PDCD4: variants seen among roughly 807,000 people sequenced by gnomAD.
PDCD4 encodes programmed cell death 4.
PDCD4 carries 56 observed loss-of-function variants against 54.0 expected under a neutral mutation model. That is an observed-to-expected ratio of 1.04 (90% confidence interval 0.84 to 1.30). The LOEUF is 1.30. Among genes scored for constraint, PDCD4 ranks in the 50% most tolerant of loss-of-function variants. PDCD4 has a pLI of 0.00. For synonymous variants in PDCD4, 186 were observed against 194.8 expected, an observed-to-expected ratio of 0.95 and a Z score of 0.37; for missense variants, 584 against 559.8, an observed-to-expected ratio of 1.04 and a Z score of -0.44.
chr10:110,881,551 G>A lies in PDCD4; in HGVS notation c.346+16G>A, dbSNP rs1564681242. On this transcript the variant is annotated intron_variant, in intron 3 of 11. Transcript: ENST00000280154. ...CCAAAGAAAGGTTGGTATATATCAT[G>A]TCCAACAAATGGAAGATAAACAAGT... 6.3e-7 allele frequency: 1 copy of A among 1,576,548 alleles called. No homozygotes were observed. The highest frequency in any genetic ancestry group is 1.8e-5 in the Admixed American group (1 of 54,260).
At position 110,890,644 on chromosome 10, in the gene PDCD4, CA is replaced by C. The variant is rs1845741012; in HGVS notation, c.966del (p.Gln322HisfsTer14). On this transcript the variant is annotated frameshift_variant, in exon 8 of 12. Transcript: ENST00000280154. LOFTEE classifies it high-confidence loss of function. Reference protein sequence around the residue: ...DSVWGSGGGQQSVNHLVKEID... With the variant: ...DSVWGSGGGQXSVNHLVKEID... ...TGTGTGGGGCTCTGGAGGTGGGCAG[CA>C]ATCTGTCAATCACCTTGTTAAAGAG... The C allele has an allele frequency of 6.2e-7, 1 of 1,608,812 alleles. No homozygotes were observed. Among genetic ancestry groups the C allele is most frequent in the Non-Finnish European group, 8.5e-7 (1 of 1,175,522 alleles).
intron 8 of PDCD4, among the ~76,000 whole-genome samples, chr10:110,893,772 C>G (rs1481849581): frequency 1.3e-5 from 2 of 151,832 alleles, no homozygotes; most frequent in Non-Finnish European, 2.9e-5. Context: ...ATTTAAAATC[C>G]CTTATTTTTA....
chr10:110,885,337 T>C lies in PDCD4; in HGVS notation c.526T>C (p.Phe176Leu), dbSNP rs1845654114. ...KTLTPIIQEY[F>L]EHGDTNEVAE... ...TTTAACACCAATCATACAGGAATAT[T>C]TTGAGCATGGAGATACTAATGAAGT... The change falls in exon 5 of 12, where the codon TTT becomes CTT. Residue 176 changes from phenylalanine (F) to leucine (L), a missense_variant. Coordinates refer to ENST00000280154, the MANE Select transcript of PDCD4 (RefSeq NM_014456.5). 1 of 1,584,414 alleles carries C rather than the reference T, an allele frequency of 6.3e-7. No individual in the cohort carries two copies. The highest frequency in any genetic ancestry group is 1.7e-5 in the Admixed American group (1 of 58,870).
chr10:110,886,757 G>A (rs140871638), intron 5 of PDCD4, among the ~76,000 whole-genome samples: 200 of 152,112 alleles, frequency 1.3e-3, no homozygotes, highest in African/African-American at 4.6e-3. Flanking sequence ...AACTAAAGAG[G>A]CTATTATAAT....
intron 1 of PDCD4, among the ~76,000 whole-genome samples, chr10:110,872,879 G>T (rs1213539383): frequency 6.6e-6 from 1 of 152,124 alleles, no homozygotes; most frequent in Non-Finnish European, 1.5e-5. Context: ...AAAACTGTCT[G>T]CAGACGTCAA....
intron 6 of PDCD4, among the ~76,000 whole-genome samples, chr10:110,888,241 T>A (rs530396928): frequency 8.9e-4 from 136 of 152,266 alleles, no homozygotes; most frequent in African/African-American, 3.1e-3. Flanking sequence ...TCACTAATGT[T>A]TATTATAAGA....
At chr10:110,888,682 A>G (rs1845707110) in intron 6 of PDCD4, among the ~76,000 whole-genome samples, 1 of 152,192 alleles carries the variant, frequency 6.6e-6, no homozygotes, top group Admixed American at 6.5e-5. Context: ...TCATACCATT[A>G]TGCTATTTTA....
At chr10:110,877,818 C>A (rs1845529658) in intron 2 of PDCD4, among the ~76,000 whole-genome samples, 1 of 152,096 alleles carries the variant, frequency 6.6e-6, no homozygotes, top group Non-Finnish European at 1.5e-5. Flanking sequence ...TTATTCTGAC[C>A]TTCAGTTTTT....
intron 8 of PDCD4, among the ~76,000 whole-genome samples, chr10:110,893,156 C>T (rs759878513): frequency 2.0e-5 from 3 of 151,800 alleles, no homozygotes; most frequent in Non-Finnish European, 4.4e-5. Context: ...CCCTGTTAAA[C>T]GATGCATGAC....
chr10:110,883,238 A>G (rs1845619173), intron 4 of PDCD4, 141 bp downstream of exon 4: 2 of 581,890 alleles, frequency 3.4e-6, no homozygotes, highest in East Asian at 3.5e-5. Flanking sequence ...ACAGTAATAC[A>G]TGCATAACTT....
intron 11 of PDCD4, among the ~76,000 whole-genome samples, chr10:110,896,897 A>C (rs1463120588): frequency 2.6e-5 from 4 of 152,180 alleles, no homozygotes; most frequent in African/African-American, 7.2e-5. Context: ...AAGCCATTAA[A>C]AGAGAGGGAA....
chr10:110,872,653 G>A (rs1845435803), intron 1 of PDCD4, among the ~76,000 whole-genome samples: 1 of 152,320 alleles, frequency 6.6e-6, no homozygotes, highest in East Asian at 1.9e-4. Context: ...CTCGCCGGGG[G>A]CGCTGGGAGG....
In PDCD4 at chr10:110,894,098, T is replaced by C. The variant is rs1186333996; in HGVS notation, c.998T>C (p.Met333Thr). The C allele has an allele frequency of 1.3e-6, 2 of 1,588,528 alleles. No homozygotes were observed. The highest frequency in any genetic ancestry group is 1.7e-6 in the Non-Finnish European group (2 of 1,157,746). Reference protein sequence around the residue: ...SVNHLVKEIDMLLKEYLLSGD... With the variant: ...SVNHLVKEIDTLLKEYLLSGD... ...AACTTTTAAATCTAATAGATTGATA[T>C]GCTGCTGAAAGAATATTTACTCTCT... The change falls in exon 9 of 12, where the codon ATG becomes ACG. Residue 333 changes from methionine to threonine, a missense_variant. Met to Thr is a moderately conservative substitution (Grantham distance 81). Transcript: ENST00000280154.
At chr10:110,893,840 G>A (rs753828943) in intron 8 of PDCD4, among the ~76,000 whole-genome samples, 1 of 152,030 alleles carries the variant, frequency 6.6e-6, no homozygotes. Context: ...AAACCTATTC[G>A]TAGTTCTCAG....
chr10:110,883,468 A>C (rs1483036008), intron 4 of PDCD4, among the ~76,000 whole-genome samples: 1 of 152,176 alleles, frequency 6.6e-6, no homozygotes, highest in East Asian at 1.9e-4. Flanking sequence ...TTTTGGGGAC[A>C]TGCGCATCTT....
intron 7 of PDCD4, among the ~76,000 whole-genome samples, 192 bp from the exon 8 acceptor site, chr10:110,890,364 G>A (rs1192992892): frequency 6.6e-6 from 1 of 152,178 alleles, no homozygotes; most frequent in East Asian, 1.9e-4. Flanking sequence ...ATGAAATAGA[G>A]CATGAGAATA....
Position 110,896,092 on chromosome 10 carries a change from T to C in PDCD4, c.1349+5T>C. 6.3e-7 allele frequency: 1 copy of C among 1,579,792 alleles called. No individual in the cohort carries two copies. The highest frequency in any genetic ancestry group is 8.6e-7 in the Non-Finnish European group (1 of 1,161,990). ...CAGAGATCTTTGTCCTTCAAGGTAC[T>C]TTATTTAAATACTACTTTCTCAATG... On this transcript the variant is annotated splice_donor_5th_base_variant and intron_variant, in intron 11 of 11. Coordinates refer to ENST00000280154, the MANE Select transcript of PDCD4 (RefSeq NM_014456.5).
intron 7 of PDCD4, among the ~76,000 whole-genome samples, chr10:110,890,099 A>T (rs115133209): frequency 1.3e-4 from 20 of 152,206 alleles, no homozygotes; most frequent in African/African-American, 4.8e-4. Flanking sequence ...GATATTTGGT[A>T]TAACTAAATG....
chr10:110,881,908 A>T (rs1355150165), intron 3 of PDCD4, among the ~76,000 whole-genome samples: 1 of 152,236 alleles, frequency 6.6e-6, no homozygotes, highest in Non-Finnish European at 1.5e-5. Flanking sequence ...ACTAATAAAT[A>T]TACATTTGAT....
Sources: allele counts gnomAD v4.1 joint callset (sites outside exome capture counted in the v4.1 genomes callset), GRCh38; gene constraint gnomAD v4.1.1; transcripts MANE v1.5; gene names NCBI Gene and HGNC (gene_info 2026-07-23, HGNC 2026-07-21).